LRSAM1: variants seen among roughly 807,000 people sequenced by gnomAD.
LRSAM1 encodes E3 ubiquitin-protein ligase LRSAM1.
LRSAM1 carries 96 observed loss-of-function variants against 118.1 expected under a neutral mutation model. The observed-to-expected ratio is 0.81, with a 90% CI of 0.69 to 0.96. The LOEUF is 0.96. Among genes scored for constraint, LRSAM1 ranks in the 40% least tolerant of loss-of-function variants. The pLI is 0.00. For missense variants in LRSAM1, 804 were observed against 915.5 expected, an observed-to-expected ratio of 0.88 and a Z score of 1.57; for synonymous variants, 322 against 364.2, an observed-to-expected ratio of 0.88 and a Z score of 1.32.
intron 23 of LRSAM1, 121 bp from the exon 24 acceptor site, chr9:127,497,132 C>G: frequency 9.9e-7 from 1 of 1,014,214 alleles, no homozygotes. Flanking sequence ...CCCCGGAAGG[C>G]TTCCACATTT....
chr9:127,500,894 G>C, intron 24 of LRSAM1, 116 bp from the exon 25 acceptor site: 2 of 1,427,088 alleles, frequency 1.4e-6, no homozygotes, highest in Non-Finnish European at 2.0e-6. Context: ...TGAGAGCAGA[G>C]GCTCCCCCAC....
At position 127,455,559 on chromosome 9, in the gene LRSAM1, T is replaced by G. The variant is rs957176698; in HGVS notation, c.130-17T>G. 21 of 1,613,896 alleles carry G rather than the reference T, an allele frequency of 1.3e-5. No individual in the cohort carries two copies. Among genetic ancestry groups the G allele is most frequent in the African/African-American group, 2.7e-5 (2 of 74,934 alleles). Reference sequence around the variant, plus strand: ...TGGCAGGAGGGGAGACACTTACTCTTCTTTATCTTATCTTAGATTCCATTT... The same window carrying G: ...TGGCAGGAGGGGAGACACTTACTCTGCTTTATCTTATCTTAGATTCCATTT... On this transcript the variant is annotated splice_polypyrimidine_tract_variant and intron_variant, in intron 4 of 25. Coordinates refer to ENST00000300417, the MANE Select transcript of LRSAM1 (RefSeq NM_001005373.4).
chr9:127,476,815 C>T (rs1421765247), intron 11 of LRSAM1, among the ~76,000 whole-genome samples: 1 of 152,056 alleles, frequency 6.6e-6, no homozygotes, highest in Non-Finnish European at 1.5e-5. Flanking sequence ...GCTGGGATTA[C>T]AGGCACCTGC....
intron 22 of LRSAM1, 61 bp from the exon 23 acceptor site, chr9:127,495,903 T>G: frequency 6.3e-7 from 1 of 1,599,022 alleles, no homozygotes; most frequent in Middle Eastern, 1.7e-4. Flanking sequence ...CTTCATTTCC[T>G]GTTGTAAACA....
At chr9:127,491,063 G>A (rs970985146) in intron 19 of LRSAM1, 152 bp from the exon 20 acceptor site, 145 of 725,072 alleles carry the variant, frequency 2.0e-4, no homozygotes, top group Non-Finnish European at 2.8e-4. Context: ...CCTTGACGAG[G>A]TTCCCAGGCC....
intron 21 of LRSAM1, among the ~76,000 whole-genome samples, chr9:127,494,682 G>T (rs539585295): frequency 1.4e-4 from 21 of 152,166 alleles, no homozygotes; most frequent in South Asian, 6.2e-4. Context: ...AGTGGCTCAC[G>T]CCTGTAATCC....
In LRSAM1 at chr9:127,491,229, A is replaced by T. The variant is rs1835921271; in HGVS notation, c.1437A>T (p.Glu479Asp). The change falls in exon 20 of 26, where the codon GAA becomes GAT. Residue 479 changes from glutamate (E) to aspartate (D), a missense_variant. Transcript: ENST00000300417. ...CTTCTGTTTAGATTAAGTTAATAGAAACTGAGTTATTGCAGCTGACACAGC... is the reference window on the plus strand; with the variant it reads ...CTTCTGTTTAGATTAAGTTAATAGATACTGAGTTATTGCAGCTGACACAGC... ...RQIRSQIKLIETELLQLTQLE... is the reference protein window; with the variant it reads ...RQIRSQIKLIDTELLQLTQLE... The T allele has an allele frequency of 6.2e-7, 1 of 1,613,708 alleles. No homozygotes were observed. Among genetic ancestry groups the T allele is most frequent in the Non-Finnish European group, 8.5e-7 (1 of 1,179,942 alleles).
intron 22 of LRSAM1, 45 bp downstream of exon 22, chr9:127,495,463 C>T: frequency 1.9e-6 from 3 of 1,564,508 alleles, no homozygotes; most frequent in Non-Finnish European, 2.6e-6. Context: ...CCCTGGGGAC[C>T]TCCTCCCAGA....
Position 127,458,987 on chromosome 9 carries a change from G to T in LRSAM1, c.253-16G>T, listed in dbSNP as rs767830115. On this transcript the variant is annotated splice_polypyrimidine_tract_variant and intron_variant, in intron 6 of 25. Coordinates refer to ENST00000300417, the MANE Select transcript of LRSAM1 (RefSeq NM_001005373.4). ...ACTTTCTCACTTGGAGACTCACAGGGGTCTTTCTTCTGCAGGTTCTAGATC... is the reference window on the plus strand; with the variant it reads ...ACTTTCTCACTTGGAGACTCACAGGTGTCTTTCTTCTGCAGGTTCTAGATC... 1 of 1,613,200 alleles carries T rather than the reference G, an allele frequency of 6.2e-7. No individual in the cohort carries two copies. The highest frequency in any genetic ancestry group is 1.3e-5 in the African/African-American group (1 of 74,956).
chr9:127,463,198 CAAA>C (rs35181083), intron 9 of LRSAM1, among the ~76,000 whole-genome samples: 12 of 98,726 alleles, frequency 1.2e-4, no homozygotes, highest in Non-Finnish European at 8.0e-5. Context: ...GACTTTGTCT[CAAA>C]AAAAAAAAAA....
chr9:127,455,543 G>A lies in LRSAM1; in HGVS notation c.130-33G>A, dbSNP rs769357543. On this transcript the variant is annotated intron_variant, in intron 4 of 25. Coordinates refer to ENST00000300417, the MANE Select transcript of LRSAM1 (RefSeq NM_001005373.4). ...AGAACAAGCTAAAAACTGGCAGGAGGGGAGACACTTACTCTTCTTTATCTT... is the reference window on the plus strand; with the variant it reads ...AGAACAAGCTAAAAACTGGCAGGAGAGGAGACACTTACTCTTCTTTATCTT... 11 of 1,612,244 alleles carry A rather than the reference G, an allele frequency of 6.8e-6. No homozygotes were observed. The East Asian group carries it at 1.8e-4, about 26-fold the overall frequency.
rs899724962 is a variant in LRSAM1, at chr9:127,502,407, C to T, written c.2047-367C>T. Among the ~76,000 whole-genome samples, 11 of 152,078 alleles carry T rather than the reference C, an allele frequency of 7.2e-5. No homozygotes were observed. The South Asian group carries it at 1.0e-3, about 14-fold the overall frequency. On this transcript the variant is annotated intron_variant, in intron 25 of 25. Coordinates refer to ENST00000300417, the MANE Select transcript of LRSAM1 (RefSeq NM_001005373.4). ...GATGCTAAAGAATAATGAAGGGGGC[C>T]GGCATGGTGGCTCACGCCTGTAATC...
intron 9 of LRSAM1, among the ~76,000 whole-genome samples, chr9:127,466,733 G>A (rs1317223601): frequency 2.0e-5 from 3 of 151,442 alleles, no homozygotes; most frequent in Non-Finnish European, 4.4e-5. Flanking sequence ...GAACTGAGAG[G>A]CTGGGTGTAT....
rs1464137299 is a variant in LRSAM1, at chr9:127,487,410, G to T, written c.1260-266G>T. 4 of 420,950 alleles carry T rather than the reference G, an allele frequency of 9.5e-6. No individual in the cohort carries two copies. In the East Asian group the frequency reaches 1.6e-4, roughly 17 times the overall value. The allele number at this position is 420,950 out of a possible 1,614,324, so 26.1% of individuals were successfully genotyped here. On this transcript the variant is annotated intron_variant, in intron 17 of 25. Transcript: ENST00000300417. The stretch of plus-strand genomic sequence containing the variant: ...CAGGCATCCACTTCCGGGGGGTGCT[G>T]GGGAGGGGATTCTGGTGGCAGGTTG...
In LRSAM1 at chr9:127,478,822, G is replaced by C; in HGVS notation, c.751-112G>C. 5 of 1,003,870 alleles carry C rather than the reference G, an allele frequency of 5.0e-6. No individual in the cohort carries two copies. In the South Asian group the frequency reaches 6.4e-5, roughly 13 times the overall value. The allele number at this position is 1,003,870 out of a possible 1,614,324, so 62.2% of individuals were successfully genotyped here. On this transcript the variant is annotated intron_variant, in intron 11 of 25. Coordinates refer to ENST00000300417, the MANE Select transcript of LRSAM1 (RefSeq NM_001005373.4). ...CCCCACCATTCTGAGGCAGTGGTCT[G>C]GGGTGGGCCAGAGTTTGTATAACAT...
At chr9:127,476,106 ATAAATGCTT>A (rs1835341190) in intron 11 of LRSAM1, among the ~76,000 whole-genome samples, 1 of 152,210 alleles carries the variant, frequency 6.6e-6, no homozygotes, top group Admixed American at 6.5e-5. Context: ...TATACCCAAG[ATAAATGCTT>A]GCATGAGGAG....
At position 127,462,359 on chromosome 9, in the gene LRSAM1, G is replaced by A. The variant is rs529333601; in HGVS notation, c.514G>A (p.Val172Ile). The stretch of plus-strand genomic sequence containing the variant: ...GAGATTGCCGCAGATGCTGGCTCAC[G>A]TTCGAACCCTGGAGGTAAATGGGAA... The part of the protein sequence containing the change: ...IQRLPQMLAH[V>I]RTLEMLSLDA... The change falls in exon 9 of 26, where the codon GTT (valine) becomes ATT (isoleucine). Residue 172 changes from valine to isoleucine, a missense_variant. Coordinates refer to ENST00000300417, the MANE Select transcript of LRSAM1 (RefSeq NM_001005373.4). The A allele has an allele frequency of 9.7e-5, 157 of 1,613,938 alleles. No individual in the cohort carries two copies. The highest frequency in any genetic ancestry group is 5.8e-4 in the South Asian group (53 of 91,068).
chr9:127,466,504 ATTTTTTTT>A (rs869115663), intron 9 of LRSAM1, among the ~76,000 whole-genome samples: 20 of 24,514 alleles, frequency 8.2e-4, no homozygotes, highest in African/African-American at 2.9e-3. Context: ...ATATATATAT[ATTTTTTTT>A]TTTTTTTTTT....
chr9:127,481,330 G>C, intron 15 of LRSAM1, 103 bp downstream of exon 15: 2 of 1,262,764 alleles, frequency 1.6e-6, no homozygotes, highest in Non-Finnish European at 2.3e-6. Context: ...TCGGCTCAGT[G>C]CAACCCCCGC....
Sources: gnomAD v4.1 joint callset for allele counts (sites outside exome capture counted in the v4.1 genomes callset) on GRCh38, gnomAD v4.1.1 for gene constraint, MANE v1.5 for transcripts, NCBI Gene and HGNC (gene_info 2026-07-23, HGNC 2026-07-21) for gene names.